MAF: variants seen among roughly 807,000 people sequenced by gnomAD.
MAF encodes transcription factor Maf.
In MAF, 10 loss-of-function variants were observed where a neutral mutation model predicts 22.0. The observed-to-expected ratio is 0.45, with a 90% CI of 0.28 to 0.77. The LOEUF (loss-of-function observed/expected upper bound fraction) is 0.77, where lower values mean the gene tolerates loss of function less well. Ranked by LOEUF, MAF falls within the 30% of genes least tolerant of loss-of-function variation. The pLI is 0.12. For synonymous variants in MAF, 337 were observed against 255.8 expected (o/e 1.32, Z -3.03); for missense variants, 544 against 548.4 (o/e 0.99, Z 0.08).
the MAF span, among the ~76,000 whole-genome samples, chr16:79,524,326 T>C: frequency 6.6e-6 from 1 of 152,218 alleles, no homozygotes; most frequent in Non-Finnish European, 1.5e-5. Flanking sequence ...CCCATCTCTC[T>C]TAAGGATAAC....
chr16:79,448,393 T>TC, the MAF span, among the ~76,000 whole-genome samples: 1 of 151,538 alleles, frequency 6.6e-6, no homozygotes, highest in African/African-American at 2.4e-5. Context: ...TTTTTTTTTT[T>TC]TAGCAATGAA....
chr16:79,445,994 C>A, the MAF span, among the ~76,000 whole-genome samples: 1 of 151,994 alleles, frequency 6.6e-6, no homozygotes, highest in African/African-American at 2.4e-5. Flanking sequence ...CGGACAATGA[C>A]CTCTCATGAA....
At chr16:79,368,346 T>C in the MAF span, among the ~76,000 whole-genome samples, 127 of 152,146 alleles carry the variant, frequency 8.3e-4, no homozygotes, top group South Asian at 2.3e-3. Flanking sequence ...CCACAGAGGG[T>C]AGACATTATC....
the MAF span, among the ~76,000 whole-genome samples, chr16:79,496,601 C>T: frequency 6.6e-6 from 1 of 152,200 alleles, no homozygotes; most frequent in African/African-American, 2.4e-5. Context: ...CTGCCTTCAT[C>T]TATATAAATC....
the MAF span, among the ~76,000 whole-genome samples, chr16:79,483,039 T>TTTG: frequency 4.6e-4 from 7 of 15,350 alleles, no homozygotes; most frequent in Non-Finnish European, 6.1e-4. Flanking sequence ...CCTCCCTCCC[T>TTTG]CCCCTCCCTC....
At chr16:79,542,243 G>A in the MAF span, among the ~76,000 whole-genome samples, 2 of 152,134 alleles carry the variant, frequency 1.3e-5, no homozygotes, top group African/African-American at 4.8e-5. Context: ...AAGTCCAAGC[G>A]AGCTCCACGA....
At chr16:79,331,952 T>A in the MAF span, among the ~76,000 whole-genome samples, 1 of 152,216 alleles carries the variant, frequency 6.6e-6, no homozygotes, top group Non-Finnish European at 1.5e-5. Flanking sequence ...CTTTATTTTT[T>A]AAAAGTAACA....
the MAF span, among the ~76,000 whole-genome samples, chr16:79,308,629 T>C: frequency 1.3e-5 from 2 of 152,210 alleles, no homozygotes; most frequent in African/African-American, 4.8e-5. Flanking sequence ...TCTCAAAATA[T>C]TGAAGCCCTA....
chr16:79,589,214 A>G (rs186181120), downstream of MAF, among the ~76,000 whole-genome samples: 232 of 152,314 alleles, frequency 1.5e-3, no homozygotes, highest in Admixed American at 7.0e-3. Flanking sequence ...AGTGGTTTTA[A>G]AAGTCTGTCC....
the MAF span, among the ~76,000 whole-genome samples, chr16:79,510,592 G>A: frequency 6.6e-6 from 1 of 152,120 alleles, no homozygotes; most frequent in African/African-American, 2.4e-5. Flanking sequence ...AAGGGACAAT[G>A]GAAAGCCACC....
At chr16:79,438,526 T>C in the MAF span, among the ~76,000 whole-genome samples, 8 of 152,230 alleles carry the variant, frequency 5.3e-5, no homozygotes, top group East Asian at 1.6e-3. Context: ...TGGGTACTTA[T>C]TTTGCGTCAG....
Position 79,594,520 on chromosome 16 carries a change from C to T in MAF, c.1152G>A (p.Val384=). ...GGGGCTTCCAAAATGTGGCGTATCC[C>T]ACTGATGGCTCCAACTTGCGAGTGG... ...TEPTRKLEPS[V]GYATFWKPQH... The change falls in exon 2 of 2, where the codon GTG becomes GTA. Residue 384 remains valine, a synonymous_variant. Transcript: ENST00000326043. 1.3e-6 allele frequency: 2 copies of T among 1,565,976 alleles called. No individual in the cohort carries two copies.
At chr16:79,266,479 A>C in the MAF span, among the ~76,000 whole-genome samples, 5 of 152,302 alleles carry the variant, frequency 3.3e-5, no homozygotes, top group South Asian at 2.1e-4. Flanking sequence ...TCAAAGTCAG[A>C]AAGATGGAAA....
At chr16:79,377,958 G>A in the MAF span, among the ~76,000 whole-genome samples, 1 of 152,154 alleles carries the variant, frequency 6.6e-6, no homozygotes, top group Admixed American at 6.5e-5. Flanking sequence ...AAGTCAGGTA[G>A]CATGATGCCT....
the MAF span, among the ~76,000 whole-genome samples, chr16:79,419,779 T>C: frequency 6.6e-6 from 1 of 152,038 alleles, no homozygotes; most frequent in Admixed American, 6.6e-5. Context: ...TAATCAAGAG[T>C]GCAGGAAGCT....
At chr16:79,450,228 T>G in the MAF span, among the ~76,000 whole-genome samples, 6 of 152,214 alleles carry the variant, frequency 3.9e-5, no homozygotes, top group African/African-American at 1.4e-4. Context: ...AGACTTACCT[T>G]TAGTACAATT....
At chr16:79,529,731 C>T in the MAF span, among the ~76,000 whole-genome samples, 4 of 152,186 alleles carry the variant, frequency 2.6e-5, no homozygotes, top group East Asian at 3.9e-4. Context: ...GAGGCCGAGG[C>T]GAGTGGATTA....
chr16:79,308,232 G>A, the MAF span, among the ~76,000 whole-genome samples: 6 of 152,198 alleles, frequency 3.9e-5, no homozygotes, highest in African/African-American at 1.4e-4. Flanking sequence ...AAGACACCTG[G>A]AATGATCAGA....
the MAF span, among the ~76,000 whole-genome samples, chr16:79,209,808 C>G: frequency 1.3e-5 from 2 of 152,158 alleles, no homozygotes. Context: ...AGATAAACCC[C>G]TTGAAGTTGT....
Sources: gnomAD v4.1 joint callset for allele counts (sites outside exome capture counted in the v4.1 genomes callset) on GRCh38, gnomAD v4.1.1 for gene constraint, MANE v1.5 for transcripts, NCBI Gene and HGNC (gene_info 2026-07-23, HGNC 2026-07-21) for gene names.